NRG1: variants seen among roughly 807,000 people sequenced by gnomAD.
NRG1 encodes pro-neuregulin-1, membrane-bound isoform.
A neutral mutation model predicts 63.8 loss-of-function variants in NRG1; 18 were observed. The observed-to-expected ratio is 0.28, with a 90% confidence interval of 0.19 to 0.42. The LOEUF is 0.42. NRG1 is among the 10% of genes least tolerant of loss of function. NRG1 has a pLI of 1.00. For missense variants in NRG1, 762 were observed against 814.7 expected (o/e 0.94, Z 0.79); for synonymous variants, 302 against 301.3 (o/e 1.00, Z -0.02).
At chr8:32,647,412 C>G in intron 5 of NRG1, 1 of 985,342 alleles carries the variant, frequency 1.0e-6, no homozygotes. Flanking sequence ...GCAGCTCCGT[C>G]GATCTATTTT....
intron 1 of NRG1, among the ~76,000 whole-genome samples, chr8:32,237,011 A>G (rs894871433): frequency 1.6e-4 from 24 of 152,286 alleles, no homozygotes; most frequent in African/African-American, 5.5e-4. Context: ...TTCAATAACA[A>G]AAACAAAAAA....
chr8:32,507,180 G>T (rs1486731898), intron 1 of NRG1, among the ~76,000 whole-genome samples: 1 of 152,018 alleles, frequency 6.6e-6, no homozygotes, highest in Non-Finnish European at 1.5e-5. Context: ...CAAAGATGGA[G>T]CATGCCTCTT....
intron 5 of NRG1, among the ~76,000 whole-genome samples, chr8:32,705,777 T>C (rs976562120): frequency 1.3e-5 from 2 of 152,188 alleles, no homozygotes; most frequent in Admixed American, 6.5e-5. Flanking sequence ...CTTGGAATAA[T>C]AGAACTTCAA....
At position 32,529,346 on chromosome 8, in the gene NRG1, T is replaced by C. The variant is rs111754364; in HGVS notation, c.38-66482T>C. 2.0e-3 allele frequency among the ~76,000 whole-genome samples: 301 copies of C among 152,332 alleles called. 1 individual carries two copies. Among genetic ancestry groups the C allele is most frequent in the African/African-American group, 7.0e-3 (293 of 41,568 alleles). On this transcript the variant is annotated intron_variant, in intron 1 of 10. Transcript: ENST00000519301. Reference sequence around the variant, plus strand: ...TGGGTGTCAGTGAGTGAGTGGTAAGTGACCGTGAAGGCCCAGGACATTACT... The same window carrying C: ...TGGGTGTCAGTGAGTGAGTGGTAAGCGACCGTGAAGGCCCAGGACATTACT...
intron 1 of NRG1, among the ~76,000 whole-genome samples, chr8:32,404,287 A>C (rs1229187264): frequency 3.3e-5 from 5 of 152,076 alleles, no homozygotes; most frequent in African/African-American, 1.2e-4. Context: ...GACAAAAATC[A>C]GGGAAGGAGG....
chr8:32,349,991 T>A (rs1192585718), intron 1 of NRG1, among the ~76,000 whole-genome samples: 1 of 152,166 alleles, frequency 6.6e-6, no homozygotes, highest in Non-Finnish European at 1.5e-5. Flanking sequence ...CAAATCTTTT[T>A]CCTCTCAGGT....
At chr8:31,965,657 C>T (rs1806198404) in intron 1 of NRG1, among the ~76,000 whole-genome samples, 2 of 152,176 alleles carry the variant, frequency 1.3e-5, no homozygotes, top group East Asian at 1.9e-4. Context: ...TTGAACCAAT[C>T]CATATTCCCA....
intron 1 of NRG1, among the ~76,000 whole-genome samples, chr8:32,234,077 C>A (rs533295549): frequency 3.9e-5 from 6 of 152,186 alleles, no homozygotes; most frequent in South Asian, 4.1e-4. Flanking sequence ...TTGATTTTTG[C>A]TTGCAAATGA....
intron 1 of NRG1, among the ~76,000 whole-genome samples, chr8:31,813,914 C>A (rs1227551610): frequency 6.6e-6 from 1 of 152,160 alleles, no homozygotes; most frequent in East Asian, 1.9e-4. Flanking sequence ...TATGCCTCAT[C>A]ATTCATTTCA....
chr8:31,640,178 C>G lies in NRG1; in HGVS notation c.37+747C>G. On this transcript the variant is annotated intron_variant, in intron 1 of 10. Transcript: ENST00000519301. This position sits in a 1 kb window ranked among gnomAD's most constrained non-coding sequence, Gnocchi z 6.3. The stretch of plus-strand genomic sequence containing the variant: ...GCGGGGGCCTCGGTGTGCTACTCGT[C>G]CCCGCCCAGCGTGGGATCGGTGCAG... 8.4e-7 allele frequency: 1 copy of G among 1,187,156 alleles called. No individual in the cohort carries two copies. The highest frequency in any genetic ancestry group is 1.0e-6 in the Non-Finnish European group (1 of 958,672). 73.5% of individuals were successfully genotyped at this position (1,187,156 alleles called of 1,614,324 possible). A position where few individuals can be genotyped will look rare whatever the true frequency, so the allele number is the denominator to read the frequency against.
chr8:31,945,143 A>G (rs1802347519), intron 1 of NRG1, among the ~76,000 whole-genome samples: 1 of 152,122 alleles, frequency 6.6e-6, no homozygotes, highest in South Asian at 2.1e-4. Flanking sequence ...TACTCTGAGT[A>G]ATATTTGAAC....
chr8:32,384,993 T>C (rs760709844), intron 1 of NRG1, among the ~76,000 whole-genome samples: 3 of 152,224 alleles, frequency 2.0e-5, no homozygotes, highest in Non-Finnish European at 4.4e-5. Context: ...GAAACCATTT[T>C]GGTGCCTGTC....
intron 5 of NRG1, among the ~76,000 whole-genome samples, chr8:32,627,738 T>G (rs1205907546): frequency 2.0e-5 from 3 of 151,840 alleles, no homozygotes; most frequent in Non-Finnish European, 4.4e-5. Flanking sequence ...CTAGTTATAA[T>G]CAAGGAATCC....
chr8:32,331,167 C>G (rs1406383754), intron 1 of NRG1, among the ~76,000 whole-genome samples: 4 of 152,002 alleles, frequency 2.6e-5, no homozygotes, highest in African/African-American at 4.8e-5. Flanking sequence ...AGTTTTCTTA[C>G]TACTTTTTCC....
chr8:31,947,638 G>A (rs1802783371), intron 1 of NRG1, among the ~76,000 whole-genome samples: 1 of 151,934 alleles, frequency 6.6e-6, no homozygotes, highest in Non-Finnish European at 1.5e-5. Context: ...CACATGCCAT[G>A]CAAACGTAGA....
intron 5 of NRG1, among the ~76,000 whole-genome samples, chr8:32,724,839 C>T (rs892965619): frequency 2.0e-5 from 3 of 152,146 alleles, no homozygotes; most frequent in Non-Finnish European, 4.4e-5. Flanking sequence ...TACTTCATTT[C>T]CCTCCAAGAA....
intron 1 of NRG1, among the ~76,000 whole-genome samples, chr8:32,583,555 A>G (rs1484362449): frequency 6.6e-6 from 1 of 152,250 alleles, no homozygotes; most frequent in Non-Finnish European, 1.5e-5. Context: ...CTTCTAGTAG[A>G]GTGCCAGTGT....
At chr8:31,986,422 G>T (rs1810078025) in intron 1 of NRG1, among the ~76,000 whole-genome samples, 1 of 152,046 alleles carries the variant, frequency 6.6e-6, no homozygotes, top group African/African-American at 2.4e-5. Context: ...GGTGTTATTA[G>T]AGGCCAGAGA....
rs147462708 is a variant in NRG1 at position 32,385,906 on chromosome 8, T to A, written c.38-209922T>A. Among the ~76,000 whole-genome samples the A allele has an allele frequency of 2.1e-3, 314 of 152,332 alleles. 1 individual carries two copies. The highest frequency in any genetic ancestry group is 7.0e-3 in the African/African-American group (291 of 41,572). On this transcript the variant is annotated intron_variant, in intron 1 of 10. Coordinates refer to the NRG1 transcript ENST00000519301. The stretch of plus-strand genomic sequence containing the variant: ...GCAATACTGCTGTCAGATAAGAGAA[T>A]CATTGAGTAAAATGCCATTAATTGC...
Sources: gnomAD v4.1 joint callset for allele counts (sites outside exome capture counted in the v4.1 genomes callset) on GRCh38, gnomAD v4.1.1 for gene constraint, Gnocchi (gnomAD v3.1) non-coding constraint, MANE v1.5 for transcripts, NCBI Gene and HGNC (gene_info 2026-07-23, HGNC 2026-07-21) for gene names.